Variants in EPM2A observed in about 807,000 individuals in gnomAD.
EPM2A encodes EPM2A glucan phosphatase, laforin, also known as laforin.
A neutral mutation model predicts 26.5 loss-of-function variants in EPM2A; 21 were observed. The observed-to-expected ratio is 0.79, with a 90% CI of 0.56 to 1.14. The LOEUF (loss-of-function observed/expected upper bound fraction) is 1.14, where lower values mean the gene tolerates loss of function less well. Ranked by LOEUF, EPM2A falls within the 50% of genes most tolerant of loss-of-function variation. The pLI is 0.00. For missense variants in EPM2A, 458 were observed against 440.8 expected (o/e 1.04, Z -0.35); for synonymous variants, 217 against 177.6 (o/e 1.22, Z -1.76).
chr6:145,618,885 C>T (rs1246201410), intron 2 of EPM2A, among the ~76,000 whole-genome samples: 1 of 152,122 alleles, frequency 6.6e-6, no homozygotes, highest in Non-Finnish European at 1.5e-5. Context: ...AGAAAGGTCT[C>T]TCAGGCAGCA....
At chr6:145,527,848 T>C (rs937516190) in intron 2 of EPM2A, among the ~76,000 whole-genome samples, 2 of 151,956 alleles carry the variant, frequency 1.3e-5, no homozygotes, top group African/African-American at 4.8e-5. Flanking sequence ...TGAGAAATGC[T>C]GAAAGTTAGG....
At chr6:145,439,350 T>A (rs1779032044) in intron 4 of EPM2A, among the ~76,000 whole-genome samples, 1 of 152,230 alleles carries the variant, frequency 6.6e-6, no homozygotes, top group Admixed American at 6.5e-5. Context: ...CTGGGTTGAA[T>A]GGTAATTCTG....
chr6:145,646,423 A>AC (rs1283719546), intron 2 of EPM2A, among the ~76,000 whole-genome samples: 2 of 151,574 alleles, frequency 1.3e-5, no homozygotes, highest in East Asian at 3.9e-4. Flanking sequence ...TGTTCTGCCC[A>AC]CCTCGGCCTC....
chr6:145,711,872 GA>G (rs1253247535), intron 1 of EPM2A, among the ~76,000 whole-genome samples: 1 of 152,050 alleles, frequency 6.6e-6, no homozygotes, highest in Non-Finnish European at 1.5e-5. Context: ...TGCATACGTG[GA>G]AAAACTATGC....
At chr6:145,403,083 T>C (rs1002401302) in intron 4 of EPM2A, among the ~76,000 whole-genome samples, 1 of 152,154 alleles carries the variant, frequency 6.6e-6, no homozygotes, top group Non-Finnish European at 1.5e-5. Context: ...TTGTTATTTT[T>C]AAAATATTTT....
intron 1 of EPM2A, among the ~76,000 whole-genome samples, chr6:145,713,031 G>A (rs986999828): frequency 6.6e-6 from 1 of 152,176 alleles, no homozygotes; most frequent in Non-Finnish European, 1.5e-5. Context: ...TGTGATGGAA[G>A]TTACATTGAG....
chr6:145,587,309 T>C (rs930070599), intron 2 of EPM2A, among the ~76,000 whole-genome samples: 1 of 152,222 alleles, frequency 6.6e-6, no homozygotes, highest in East Asian at 1.9e-4. Flanking sequence ...TATTTTGTAC[T>C]CATTTTATTC....
At chr6:145,599,924 T>C (rs963932178) in intron 2 of EPM2A, among the ~76,000 whole-genome samples, 13 of 152,254 alleles carry the variant, frequency 8.5e-5, no homozygotes, top group African/African-American at 2.9e-4. Context: ...AAATTACAAG[T>C]ATATTTCTTT....
chr6:145,536,830 G>A (rs569535516), intron 2 of EPM2A, among the ~76,000 whole-genome samples: 3 of 152,340 alleles, frequency 2.0e-5, no homozygotes, highest in African/African-American at 7.2e-5. Context: ...GCTATAGCAA[G>A]GGGCTCAGCC....
At chr6:145,689,608 C>T (rs928513421) in intron 1 of EPM2A, among the ~76,000 whole-genome samples, 5 of 152,210 alleles carry the variant, frequency 3.3e-5, no homozygotes, top group African/African-American at 1.2e-4. Context: ...AGTCCATTCT[C>T]TCTAGCCAAA....
chr6:145,627,034 T>C lies in EPM2A; in HGVS notation c.*382A>G. On this transcript the variant is annotated 3_prime_UTR_variant, in exon 4 of 4. Transcript: ENST00000367519. ...TGAAATCCACATAACTCCATATCTT[T>C]TCCTCTACATGGCCAAGAGTTTCAG... is the stretch of plus-strand genomic sequence containing the variant. 1.1e-5 allele frequency: 13 copies of C among 1,148,652 alleles called. No homozygotes were observed. Among genetic ancestry groups the C allele is most frequent in the Non-Finnish European group, 1.4e-5 (13 of 926,880 alleles). The allele number at this position is 1,148,652 out of a possible 1,614,324, so 71.2% of individuals were successfully genotyped here.
intron 4 of EPM2A, among the ~76,000 whole-genome samples, chr6:145,390,955 T>C (rs184019631): frequency 6.6e-6 from 1 of 152,246 alleles, no homozygotes; most frequent in Admixed American, 6.5e-5. Flanking sequence ...TTGTTTGTCT[T>C]TGCCCAGAGG....
At chr6:145,459,978 T>A (rs9484995) in intron 4 of EPM2A, among the ~76,000 whole-genome samples, 68,011 of 152,026 alleles carry the variant, frequency 0.45, 15,850 homozygotes, top group Non-Finnish European at 0.52. Flanking sequence ...TTAATTAAGT[T>A]TGGTAGTTAA....
At chr6:145,434,399 T>C (rs1336742302) in intron 4 of EPM2A, among the ~76,000 whole-genome samples, 1 of 152,038 alleles carries the variant, frequency 6.6e-6, no homozygotes, top group African/African-American at 2.4e-5. Context: ...CTCTGTCTAA[T>C]CTGTTGATTA....
At chr6:145,506,488 G>A (rs959682680) in intron 2 of EPM2A, among the ~76,000 whole-genome samples, 1 of 151,410 alleles carries the variant, frequency 6.6e-6, no homozygotes, top group African/African-American at 2.4e-5. Flanking sequence ...GGAAAGGCAA[G>A]GTAAATTATT....
chr6:145,492,350 G>C (rs1779766293), intron 4 of EPM2A, among the ~76,000 whole-genome samples: 1 of 152,166 alleles, frequency 6.6e-6, no homozygotes, highest in African/African-American at 2.4e-5. Context: ...GGCCCCCACA[G>C]TACCATCTAG....
rs924820743 is a variant in EPM2A, at chr6:145,670,140, C to G, written c.476+15982G>C. Among the ~76,000 whole-genome samples the G allele has an allele frequency of 5.3e-4, 80 of 152,196 alleles. 1 individual carries two copies. Among genetic ancestry groups the G allele is most frequent in the Non-Finnish European group, 1.3e-4 (9 of 67,988 alleles). Reference sequence around the variant, plus strand: ...TCTTAATCATTAATTTTTCTCTACTCTCTGGGATAATGTTTATTAACATGA... The same window carrying G: ...TCTTAATCATTAATTTTTCTCTACTGTCTGGGATAATGTTTATTAACATGA... On this transcript the variant is annotated intron_variant, in intron 2 of 3. Transcript: ENST00000367519.
intron 4 of EPM2A, among the ~76,000 whole-genome samples, chr6:145,481,235 T>G (rs2114733365): frequency 6.6e-6 from 1 of 152,268 alleles, no homozygotes; most frequent in South Asian, 2.1e-4. Flanking sequence ...AAGGATGCCC[T>G]CAAAGATTTC....
intron 2 of EPM2A, among the ~76,000 whole-genome samples, chr6:145,514,872 T>C (rs933914364): frequency 3.9e-5 from 6 of 152,078 alleles, no homozygotes; most frequent in African/African-American, 9.7e-5. Flanking sequence ...AACATTTGAG[T>C]GGATTTATCA....
Sources: allele counts gnomAD v4.1 joint callset (sites outside exome capture counted in the v4.1 genomes callset), GRCh38; gene constraint gnomAD v4.1.1; transcripts MANE v1.5; gene names NCBI Gene and HGNC (gene_info 2026-07-23, HGNC 2026-07-21).